Variants in MYO5A observed in about 807,000 individuals in gnomAD.
MYO5A encodes unconventional myosin-Va.
MYO5A carries 98 observed loss-of-function variants against 249.7 expected under a neutral mutation model. The ratio of observed to expected loss-of-function variants is 0.39; its 90% CI spans 0.33 to 0.46. The LOEUF (loss-of-function observed/expected upper bound fraction) is 0.46. Among genes scored for constraint, MYO5A ranks in the 20% least tolerant of loss-of-function variants. The pLI, the probability that MYO5A is intolerant of heterozygous loss-of-function variation, is 0.98. For missense variants in MYO5A, 1,696 were observed against 2,308.8 expected (o/e 0.73, Z 5.44); for synonymous variants, 778 against 810.6 (o/e 0.96, Z 0.68).
chr15:52,465,001 G>A (rs549479675), intron 1 of MYO5A, among the ~76,000 whole-genome samples: 2 of 152,274 alleles, frequency 1.3e-5, no homozygotes, highest in African/African-American at 4.8e-5. Flanking sequence ...GCCACACTGG[G>A]AGTCAGCTTT....
intron 1 of MYO5A, among the ~76,000 whole-genome samples, chr15:52,500,579 C>T (rs1052909233): frequency 6.6e-6 from 1 of 152,080 alleles, no homozygotes; most frequent in Non-Finnish European, 1.5e-5. Context: ...AACTCCTGAC[C>T]TCAGGTGATC....
chr15:52,429,964 C>T (rs1182011116), intron 2 of MYO5A, among the ~76,000 whole-genome samples: 1 of 152,046 alleles, frequency 6.6e-6, no homozygotes, highest in Admixed American at 6.5e-5. Context: ...TGAATATTGT[C>T]ACTTAACTAT....
intron 34 of MYO5A, among the ~76,000 whole-genome samples, chr15:52,336,010 T>A (rs552299237): frequency 2.6e-5 from 4 of 152,278 alleles, no homozygotes; most frequent in African/African-American, 9.6e-5. Context: ...AATAGCTCAT[T>A]CAATCCTTAT....
intron 1 of MYO5A, among the ~76,000 whole-genome samples, chr15:52,509,335 T>C (rs756569225): frequency 1.3e-5 from 2 of 152,228 alleles, no homozygotes; most frequent in Admixed American, 1.3e-4. Flanking sequence ...AAAACCAAGA[T>C]GATCACATAT....
chr15:52,511,603 G>T (rs1262279449), intron 1 of MYO5A, among the ~76,000 whole-genome samples: 1 of 152,124 alleles, frequency 6.6e-6, no homozygotes, highest in East Asian at 1.9e-4. Context: ...GAATGTGTAG[G>T]TTATAATACA....
intron 28 of MYO5A, 88 bp from the exon 29 acceptor site, chr15:52,348,914 T>C (rs1044078118): frequency 1.7e-5 from 24 of 1,383,824 alleles, no homozygotes; most frequent in Middle Eastern, 1.9e-4. Flanking sequence ...GAGTTCCTAT[T>C]ATAACAGATA....
rs1013894389 is a variant in MYO5A at position 52,307,514 on chromosome 15, A to G, written c.*6182T>C. On this transcript the variant is annotated 3_prime_UTR_variant, in exon 42 of 42. Transcript: ENST00000399233. ...TTATTAACTTATTTTTAAAAATTGC[A>G]CGTGAGATATGCTAGAATGGGTTCT... 1 of 152,164 alleles carries G rather than the reference A, an allele frequency of 6.6e-6. No homozygotes were observed. The highest frequency in any genetic ancestry group is 2.4e-5 in the African/African-American group (1 of 41,442). The allele number at this position is 152,164 out of a possible 1,614,324, so 9.4% of individuals were successfully genotyped here. A position where few individuals can be genotyped will look rare whatever the true frequency, so the allele number is the denominator to read the frequency against.
At chr15:52,330,544 A>C in intron 34 of MYO5A, 45 bp from the exon 35 acceptor site, 1 of 1,609,500 alleles carries the variant, frequency 6.2e-7, no homozygotes, top group Non-Finnish European at 8.5e-7. Flanking sequence ...TTCCATATAA[A>C]AAACATGAGA....
At chr15:52,411,416 C>G (rs942123295) in intron 5 of MYO5A, among the ~76,000 whole-genome samples, 4 of 151,986 alleles carry the variant, frequency 2.6e-5, no homozygotes, top group African/African-American at 9.7e-5. Flanking sequence ...TACAAAATAT[C>G]TGCTACAGAA....
chr15:52,396,072 C>T (rs1156731622), intron 11 of MYO5A, among the ~76,000 whole-genome samples: 1 of 152,212 alleles, frequency 6.6e-6, no homozygotes, highest in Non-Finnish European at 1.5e-5. Context: ...ACACTGCCTG[C>T]TTCTCTCAAT....
chr15:52,528,897 C>G (rs1314696812), upstream of MYO5A: 1 of 1,262,024 alleles, frequency 7.9e-7, no homozygotes, highest in African/African-American at 1.6e-5. Flanking sequence ...CGCCCGCAGC[C>G]GCCGGCAGGG....
At chr15:52,422,084 G>T (rs1339255684) in intron 4 of MYO5A, among the ~76,000 whole-genome samples, 1 of 152,128 alleles carries the variant, frequency 6.6e-6, no homozygotes, top group Non-Finnish European at 1.5e-5. Flanking sequence ...TGGCAAGAAT[G>T]TCAAACAAGA....
chr15:52,316,804 G>A (rs1183591325), intron 40 of MYO5A, among the ~76,000 whole-genome samples: 1 of 152,102 alleles, frequency 6.6e-6, no homozygotes, highest in East Asian at 1.9e-4. Context: ...ATGTTATATA[G>A]AACACTGTAA....
At chr15:52,359,876 G>T in intron 25 of MYO5A, 92 bp downstream of exon 25, 1 of 848,220 alleles carries the variant, frequency 1.2e-6, no homozygotes, top group South Asian at 1.4e-5. Context: ...CTATGTTTAT[G>T]GCCAATTGGA....
In MYO5A at chr15:52,346,291, C is replaced by T. The variant is rs1288842101; in HGVS notation, c.3959+70G>A. ...GGAATGTATGAACACTTTTACTGTACAAGAGGCTGGCTTGAAGGCTAAAGA... is the reference window on the plus strand; with the variant it reads ...GGAATGTATGAACACTTTTACTGTATAAGAGGCTGGCTTGAAGGCTAAAGA... On this transcript the variant is annotated intron_variant, in intron 30 of 41. Transcript: ENST00000399233. The T allele has an allele frequency of 6.4e-6, 6 of 938,606 alleles. No homozygotes were observed. In the African/African-American group the frequency reaches 6.5e-5, roughly 10 times the overall value. 58.1% of individuals were successfully genotyped at this position (938,606 alleles called of 1,614,324 possible). A position where few individuals can be genotyped will look rare whatever the true frequency, so the allele number is the denominator to read the frequency against.
At chr15:52,399,352 T>G (rs1009692282) in intron 9 of MYO5A, among the ~76,000 whole-genome samples, 1 of 152,154 alleles carries the variant, frequency 6.6e-6, no homozygotes, top group African/African-American at 2.4e-5. Flanking sequence ...GGCTAGAGTG[T>G]GGTGGTACAA....
intron 1 of MYO5A, among the ~76,000 whole-genome samples, chr15:52,482,554 A>G (rs1377201779): frequency 6.6e-6 from 1 of 152,238 alleles, no homozygotes; most frequent in Non-Finnish European, 1.5e-5. Flanking sequence ...CTGGCTATAA[A>G]TTCTAAAAAC....
chr15:52,484,683 C>G (rs781665673), intron 1 of MYO5A, among the ~76,000 whole-genome samples: 2 of 152,064 alleles, frequency 1.3e-5, no homozygotes, highest in South Asian at 4.1e-4. Context: ...CTCGCTCTGT[C>G]CCCCAGGCTG....
Position 52,313,174 on chromosome 15 carries a change from A to G in MYO5A, c.*522T>C, listed in dbSNP as rs1245406991. 6.1e-6 allele frequency: 1 copy of G among 162,930 alleles called. No individual in the cohort carries two copies. The highest frequency in any genetic ancestry group is 2.4e-5 in the African/African-American group (1 of 41,516). 10.1% of individuals were successfully genotyped at this position (162,930 alleles called of 1,614,324 possible). A position where few individuals can be genotyped will look rare whatever the true frequency, so the allele number is the denominator to read the frequency against. On this transcript the variant is annotated 3_prime_UTR_variant, in exon 42 of 42. Coordinates refer to ENST00000399233, the MANE Select transcript of MYO5A (RefSeq NM_001382347.1). Reference sequence around the variant, plus strand: ...AGTGACACAAATGAGGAATTACTTTACATATTGCCAGTTTATTTCTTTGAA... The same window carrying G: ...AGTGACACAAATGAGGAATTACTTTGCATATTGCCAGTTTATTTCTTTGAA...
Sources: allele counts gnomAD v4.1 joint callset (sites outside exome capture counted in the v4.1 genomes callset), GRCh38; gene constraint gnomAD v4.1.1; transcripts MANE v1.5; gene names NCBI Gene and HGNC (gene_info 2026-07-23, HGNC 2026-07-21).